TCERG1L: variants seen among roughly 807,000 people sequenced by gnomAD.
TCERG1L encodes transcription elongation regulator 1 like, also known as transcription elongation regulator 1-like protein.
Under a neutral mutation model 56.3 loss-of-function variants are expected in TCERG1L, and 37 were observed. The ratio of observed to expected loss-of-function variants is 0.66; its 90% CI spans 0.51 to 0.87. The LOEUF is 0.87. Among genes scored for constraint, TCERG1L ranks in the 40% least tolerant of loss-of-function variants. The pLI, the probability that TCERG1L is intolerant of heterozygous loss-of-function variation, is 0.00. For missense variants in TCERG1L, 799 were observed against 774.2 expected (o/e 1.03, Z -0.38); for synonymous variants, 324 against 326.3 (o/e 0.99, Z 0.08).
intron 4 of TCERG1L, among the ~76,000 whole-genome samples, chr10:131,167,445 CG>C (rs1672131595): frequency 6.6e-6 from 1 of 152,226 alleles, no homozygotes; most frequent in South Asian, 2.1e-4. Context: ...TGCCAACCTG[CG>C]CCCTGGACTC....
chr10:131,242,169 A>G (rs1845980840), intron 4 of TCERG1L, among the ~76,000 whole-genome samples: 1 of 152,162 alleles, frequency 6.6e-6, no homozygotes, highest in Non-Finnish European at 1.5e-5. Flanking sequence ...GAGATAATAC[A>G]TTCGGGGAAC....
At chr10:131,218,854 C>T (rs1007947273) in intron 4 of TCERG1L, among the ~76,000 whole-genome samples, 1 of 152,166 alleles carries the variant, frequency 6.6e-6, no homozygotes, top group Non-Finnish European at 1.5e-5. Flanking sequence ...GGTCATGTGG[C>T]CTCTGCGGAG....
intron 3 of TCERG1L, among the ~76,000 whole-genome samples, chr10:131,305,059 C>T (rs1237058161): frequency 6.6e-6 from 1 of 152,136 alleles, no homozygotes; most frequent in Non-Finnish European, 1.5e-5. Context: ...TTCGACTCTT[C>T]CTGCCTCAAG....
chr10:131,117,376 C>A (rs1432910779), intron 8 of TCERG1L, among the ~76,000 whole-genome samples: 3 of 152,232 alleles, frequency 2.0e-5, no homozygotes, highest in Non-Finnish European at 2.9e-5. Context: ...ACTCACTCAT[C>A]GCCCCTTCAT....
At chr10:131,102,370 G>C (rs565571452) in intron 10 of TCERG1L, among the ~76,000 whole-genome samples, 8 of 152,290 alleles carry the variant, frequency 5.3e-5, no homozygotes, top group Non-Finnish European at 8.8e-5. Context: ...GGCTGGGAAC[G>C]GGAGTGAGGA....
At chr10:131,238,763 C>T (rs1192914515) in intron 4 of TCERG1L, among the ~76,000 whole-genome samples, 1 of 152,166 alleles carries the variant, frequency 6.6e-6, no homozygotes, top group African/African-American at 2.4e-5. Context: ...GCCACTTGCC[C>T]ATCACGCGGG....
At chr10:131,284,364 T>C (rs981452622) in intron 3 of TCERG1L, among the ~76,000 whole-genome samples, 4 of 151,896 alleles carry the variant, frequency 2.6e-5, no homozygotes, top group Admixed American at 6.6e-5. Context: ...AACTGAGTGA[T>C]AACAAAAATA....
chr10:131,208,596 C>T (rs934379751), intron 4 of TCERG1L, among the ~76,000 whole-genome samples: 6 of 152,192 alleles, frequency 3.9e-5, no homozygotes, highest in Admixed American at 2.6e-4. Flanking sequence ...CCTGCCCCAC[C>T]GTTTCTAGGG....
At chr10:131,093,433 T>C (rs1685429066) in intron 11 of TCERG1L, 115 bp from the exon 12 acceptor site, 2 of 1,310,142 alleles carry the variant, frequency 1.5e-6, no homozygotes, top group African/African-American at 1.5e-5. Flanking sequence ...GGCCTGGCCG[T>C]GGGTGGCAGG....
At chr10:131,229,585 G>A (rs1426123890) in intron 4 of TCERG1L, among the ~76,000 whole-genome samples, 6 of 151,996 alleles carry the variant, frequency 3.9e-5, no homozygotes, top group African/African-American at 7.3e-5. Context: ...ACCAATTAGC[G>A]CAGCCATCAA....
intron 3 of TCERG1L, among the ~76,000 whole-genome samples, chr10:131,306,908 T>G (rs748405429): frequency 2.0e-4 from 31 of 152,184 alleles, no homozygotes; most frequent in Admixed American, 3.3e-4. Flanking sequence ...TATATTATAC[T>G]CAGGGGTGAA....
intron 4 of TCERG1L, among the ~76,000 whole-genome samples, chr10:131,172,242 G>A (rs1050252787): frequency 2.6e-5 from 4 of 151,708 alleles, no homozygotes; most frequent in Admixed American, 6.6e-5. Context: ...AGGGGAACCC[G>A]GGGAAGTGAA....
In TCERG1L at chr10:131,204,643, G is replaced by A. The variant is rs571069740; in HGVS notation, c.857-37758C>T. Among the ~76,000 whole-genome samples, 3 of 152,346 alleles carry A rather than the reference G, an allele frequency of 2.0e-5. No individual in the cohort carries two copies. The South Asian group carries it at 6.2e-4, about 32-fold the overall frequency. ...AAAGGTGTGTGTCCTCAAATCAAAG[G>A]ACATCTGTCCAGTGTCCTTCCACTA... On this transcript the variant is annotated intron_variant, in intron 4 of 11. Coordinates refer to ENST00000368642, the MANE Select transcript of TCERG1L (RefSeq NM_174937.4).
chr10:131,249,804 G>T (rs1846086592), intron 4 of TCERG1L, among the ~76,000 whole-genome samples: 1 of 152,168 alleles, frequency 6.6e-6, no homozygotes, highest in African/African-American at 2.4e-5. Context: ...AGCCGAGGCT[G>T]TGCTCCCCTC....
At chr10:131,116,750 T>TC in intron 9 of TCERG1L, 49 bp downstream of exon 9, 1 of 1,541,126 alleles carries the variant, frequency 6.5e-7, no homozygotes. Flanking sequence ...CAGCTGCTGT[T>TC]CCCCCGGGTC....
At chr10:131,186,114 C>T (rs1259261845) in intron 4 of TCERG1L, among the ~76,000 whole-genome samples, 1 of 152,186 alleles carries the variant, frequency 6.6e-6, no homozygotes, top group Admixed American at 6.5e-5. Context: ...CACAAAAGGT[C>T]ACCTATTGTG....
intron 4 of TCERG1L, among the ~76,000 whole-genome samples, chr10:131,179,831 A>C (rs1253911335): frequency 6.6e-6 from 1 of 152,150 alleles, no homozygotes; most frequent in East Asian, 1.9e-4. Flanking sequence ...GTTAAGGCCC[A>C]GGCACCCCCT....
intron 6 of TCERG1L, chr10:131,161,902 A>G (rs1589732718): frequency 6.6e-6 from 1 of 152,368 alleles, no homozygotes; most frequent in East Asian, 1.9e-4. Flanking sequence ...TACCCTGAGC[A>G]TTGCTTCCAC....
intron 4 of TCERG1L, among the ~76,000 whole-genome samples, chr10:131,217,364 T>C (rs911208807): frequency 6.6e-6 from 1 of 152,190 alleles, no homozygotes; most frequent in Non-Finnish European, 1.5e-5. Flanking sequence ...ACCAAGCAGA[T>C]GTGGCCATGC....
Sources: allele counts gnomAD v4.1 joint callset (sites outside exome capture counted in the v4.1 genomes callset), GRCh38; gene constraint gnomAD v4.1.1; transcripts MANE v1.5; gene names NCBI Gene and HGNC (gene_info 2026-07-23, HGNC 2026-07-21).